The following FGF1 variants were observed in gnomAD, a reference collection of about 807,000 sequenced individuals.
The protein encoded by FGF1 is beta-endothelial cell growth factor.
In FGF1, 9 loss-of-function variants were observed where a neutral mutation model predicts 13.4. The ratio of observed to expected loss-of-function variants is 0.67; its 90% CI spans 0.40 to 1.17. The LOEUF (loss-of-function observed/expected upper bound fraction) is 1.17, where lower values mean the gene tolerates loss of function less well. Ranked by LOEUF, FGF1 falls within the 50% of genes most tolerant of loss-of-function variation. The probability of loss-of-function intolerance (pLI) is 0.01; values close to 1 mark genes in which losing one functional copy is unlikely to be tolerated. For missense variants in FGF1, 156 were observed against 192.7 expected (o/e 0.81, Z 1.13); for synonymous variants, 93 against 79.0 (o/e 1.18, Z -0.94).
At position 142,613,992 on chromosome 5, in the gene FGF1, C is replaced by T; in HGVS notation, c.136G>A (p.Val46Met). Residue 46 changes from valine (V) to methionine (M), a missense_variant, in exon 2 of 4, where the codon GTG becomes ATG. Val to Met is a conservative substitution (Grantham distance 21). Transcript: ENST00000337706. The part of the protein sequence containing the change: ...HFLRILPDGT[V>M]DGTRDRSDQH... ...TCGCTCCTGTCCCTTGTCCCATCCA[C>T]TGTGCCATCCGGAAGGATCCTCAGG... 1 of 1,614,124 alleles carries T rather than the reference C, an allele frequency of 6.2e-7. No homozygotes were observed. The highest frequency in any genetic ancestry group is 8.5e-7 in the Non-Finnish European group (1 of 1,180,012).
intron 1 of FGF1, among the ~76,000 whole-genome samples, chr5:142,636,617 A>T (rs1764291944): frequency 6.6e-6 from 1 of 152,212 alleles, no homozygotes; most frequent in Non-Finnish European, 1.5e-5. Context: ...TGAACTGAGT[A>T]TTATAGTGGC....
intron 1 of FGF1, among the ~76,000 whole-genome samples, chr5:142,649,032 A>G (rs976947111): frequency 6.6e-6 from 1 of 152,252 alleles, no homozygotes; most frequent in Non-Finnish European, 1.5e-5. Flanking sequence ...TAAGAAAAAC[A>G]AAAAGGAAAA....
In FGF1 at chr5:142,592,494, G is replaced by A. The variant is rs755386094; in HGVS notation, c.*2796C>T. ...CCTCCACCACCATCACATTGCAAACGACCAAAAGCACATATGTTCATGATG... is the reference window on the plus strand; with the variant it reads ...CCTCCACCACCATCACATTGCAAACAACCAAAAGCACATATGTTCATGATG... On this transcript the variant is annotated 3_prime_UTR_variant, in exon 4 of 4. Transcript: ENST00000337706. 40 of 398,174 alleles carry A rather than the reference G, an allele frequency of 1.0e-4. No homozygotes were observed. The highest frequency in any genetic ancestry group is 1.4e-4 in the Non-Finnish European group (31 of 225,926). The allele number at this position is 398,174 out of a possible 1,614,324, so 24.7% of individuals were successfully genotyped here. A position where few individuals can be genotyped will look rare whatever the true frequency, so the allele number is the denominator to read the frequency against.
chr5:142,613,164 A>G (rs960628908), intron 2 of FGF1, among the ~76,000 whole-genome samples: 3 of 152,222 alleles, frequency 2.0e-5, no homozygotes, highest in Non-Finnish European at 2.9e-5. Context: ...GGAATCTCAG[A>G]TAACATCACG....
intron 1 of FGF1, among the ~76,000 whole-genome samples, chr5:142,640,774 C>T (rs749084104): frequency 6.6e-6 from 1 of 152,020 alleles, no homozygotes; most frequent in Non-Finnish European, 1.5e-5. Flanking sequence ...CTGTGACATC[C>T]TGTGCATATT....
At chr5:142,634,472 G>A (rs17217058) in intron 1 of FGF1, among the ~76,000 whole-genome samples, 1,670 of 152,298 alleles carry the variant, frequency 0.011, 32 homozygotes, top group African/African-American at 0.038. Flanking sequence ...TTTAAAATAA[G>A]AGACAGCCTA....
chr5:142,647,644 C>A (rs891668248), intron 1 of FGF1, among the ~76,000 whole-genome samples: 1 of 152,154 alleles, frequency 6.6e-6, no homozygotes, highest in Non-Finnish European at 1.5e-5. Context: ...ACTTTATATA[C>A]CTAGTCTGAA....
At chr5:142,695,751 A>G (rs2152074844) in intron 2 of FGF1, among the ~76,000 whole-genome samples, 1 of 152,286 alleles carries the variant, frequency 6.6e-6, no homozygotes, top group Middle Eastern at 3.4e-3. Context: ...GGGCTTGGGA[A>G]TGAAACTTAA....
chr5:142,608,409 T>A (rs1269279137), intron 2 of FGF1, among the ~76,000 whole-genome samples: 4 of 151,752 alleles, frequency 2.6e-5, no homozygotes, highest in African/African-American at 2.4e-5. Context: ...AATTAAAATG[T>A]AGCCACAAGC....
At chr5:142,687,111 ATGAG>A (rs1208557783), upstream of FGF1, among the ~76,000 whole-genome samples, 1 of 143,842 alleles carries the variant, frequency 7.0e-6, no homozygotes, top group Admixed American at 6.9e-5. Context: ...CCCAGAAGGC[ATGAG>A]TGTGTGTGTG....
intron 1 of FGF1, among the ~76,000 whole-genome samples, chr5:142,620,016 T>A (rs1032479253): frequency 1.3e-5 from 2 of 152,042 alleles, no homozygotes; most frequent in Non-Finnish European, 2.9e-5. Flanking sequence ...GTTTTTTTTT[T>A]AACTCCATCT....
chr5:142,693,414 C>T (rs1400483753), intron 2 of FGF1, among the ~76,000 whole-genome samples: 1 of 152,172 alleles, frequency 6.6e-6, no homozygotes, highest in East Asian at 1.9e-4. Context: ...GCCTCAGCCT[C>T]CCGAGTAGCT....
At chr5:142,608,616 GAAA>G (rs34214870) in intron 2 of FGF1, among the ~76,000 whole-genome samples, 1 of 92,898 alleles carries the variant, frequency 1.1e-5, no homozygotes, top group African/African-American at 3.4e-5. Flanking sequence ...AAATATATAT[GAAA>G]AAAAAAACCT....
At chr5:142,695,340 C>T (rs945869978) in intron 2 of FGF1, among the ~76,000 whole-genome samples, 4 of 151,942 alleles carry the variant, frequency 2.6e-5, no homozygotes, top group South Asian at 2.1e-4. Context: ...TTTGGGAAGC[C>T]GAGGTGGGGG....
intron 2 of FGF1, among the ~76,000 whole-genome samples, chr5:142,613,681 A>G (rs758657109): frequency 4.6e-5 from 7 of 152,246 alleles, no homozygotes; most frequent in Admixed American, 1.3e-4. Flanking sequence ...CTGGGAAAAC[A>G]TACAGCAATT....
rs191026438 is a variant in FGF1 at position 142,627,946 on chromosome 5, C to T, written c.-34-13785G>A. On this transcript the variant is annotated intron_variant, in intron 1 of 3. Coordinates refer to ENST00000337706, the MANE Select transcript of FGF1 (RefSeq NM_000800.5). ...TGTTTGCTCCCTGTTTCAGCACCAC[C>T]GATGGCTCTCATGGTCCTGTGACCA... Among the ~76,000 whole-genome samples the T allele has an allele frequency of 2.6e-5, 4 of 152,288 alleles. No individual in the cohort carries two copies. The East Asian group carries it at 7.7e-4, about 29-fold the overall frequency.
chr5:142,634,097 G>A (rs989822490), intron 1 of FGF1, among the ~76,000 whole-genome samples: 7 of 151,588 alleles, frequency 4.6e-5, no homozygotes, highest in Non-Finnish European at 1.0e-4. Context: ...GGAGGCTGAG[G>A]CAGGAGAATG....
intron 1 of FGF1, among the ~76,000 whole-genome samples, chr5:142,618,965 C>T (rs1386662922): frequency 9.1e-5 from 12 of 132,444 alleles, no homozygotes; most frequent in Non-Finnish European, 1.5e-4. Flanking sequence ...GACGGAGTCC[C>T]GCTCTTTAGC....
At chr5:142,676,665 A>T (rs1767555095) in intron 1 of FGF1, among the ~76,000 whole-genome samples, 1 of 152,180 alleles carries the variant, frequency 6.6e-6, no homozygotes, top group Non-Finnish European at 1.5e-5. Flanking sequence ...ATGGGTCAGA[A>T]CTGTCAGAAG....
Sources: allele counts gnomAD v4.1 joint callset (sites outside exome capture counted in the v4.1 genomes callset), GRCh38; gene constraint gnomAD v4.1.1; transcripts MANE v1.5; gene names NCBI Gene and HGNC (gene_info 2026-07-23, HGNC 2026-07-21).